DIPK1A: variants seen among roughly 807,000 people sequenced by gnomAD.
DIPK1A encodes the protein divergent protein kinase domain 1A, also known as family with sequence similarity 69 member A.
Under a neutral mutation model 40.8 loss-of-function variants are expected in DIPK1A, and 27 were observed. That is an observed-to-expected ratio of 0.66 (90% CI 0.49 to 0.91). DIPK1A has a LOEUF of 0.91. DIPK1A is among the 40% of genes least tolerant of loss of function. The pLI, the probability that DIPK1A is intolerant of heterozygous loss-of-function variation, is 0.00. For synonymous variants in DIPK1A, 166 were observed against 171.3 expected (o/e 0.97, Z 0.24); for missense variants, 412 against 505.7 (o/e 0.81, Z 1.78).
rs1034653554 is a variant in DIPK1A, at chr1:92,917,576, TC to T, written c.55-41147del. Among the ~76,000 whole-genome samples, 3 of 152,170 alleles carry T rather than the reference TC, an allele frequency of 2.0e-5. No individual in the cohort carries two copies. The East Asian group carries it at 5.8e-4, about 29-fold the overall frequency. ...ACTATATAAATAGAAAGTGAAAGGT[TC>T]CCCCATTCTTCTTTTGGAGGATTAA... On this transcript the variant is annotated intron_variant, in intron 1 of 4. Transcript: ENST00000370310.
intron 1 of DIPK1A, among the ~76,000 whole-genome samples, chr1:92,922,916 T>G (rs1298931515): frequency 6.6e-6 from 1 of 152,008 alleles, no homozygotes; most frequent in Non-Finnish European, 1.5e-5. Flanking sequence ...TCCCTCACAG[T>G]TTTCATCTCC....
intron 2 of DIPK1A, among the ~76,000 whole-genome samples, chr1:92,856,916 G>T (rs940385723): frequency 6.6e-6 from 1 of 152,124 alleles, no homozygotes; most frequent in African/African-American, 2.4e-5. Flanking sequence ...CCCCTCAACA[G>T]GAGAATGGTT....
At chr1:92,941,987 C>A (rs1651169972) in intron 1 of DIPK1A, among the ~76,000 whole-genome samples, 2 of 146,408 alleles carry the variant, frequency 1.4e-5, no homozygotes, top group African/African-American at 2.6e-5. Context: ...GAGACTCTGT[C>A]TCAAAAAAAA....
In DIPK1A at chr1:92,847,188, A is replaced by G; in HGVS notation, c.469T>C (p.Phe157Leu). 1 of 1,541,978 alleles carries G rather than the reference A, an allele frequency of 6.5e-7. No homozygotes were observed. Among genetic ancestry groups the G allele is most frequent in the African/African-American group, 1.4e-5 (1 of 72,596 alleles). ...QKFKEMVYSL[F>L]KAKLGDQGNL... ...ATATGAATGGGTATGCTTACCTTAA[A>G]GAGACTATAGACCATTTCTTTAAAT... Residue 157 changes from phenylalanine (F) to leucine (L), a missense_variant, in exon 4 of 5, where the codon TTT (phenylalanine) becomes CTT (leucine). Coordinates refer to ENST00000370310, the MANE Select transcript of DIPK1A (RefSeq NM_001006605.5).
intron 1 of DIPK1A, among the ~76,000 whole-genome samples, chr1:92,915,958 G>A (rs912851360): frequency 3.3e-5 from 5 of 152,144 alleles, no homozygotes; most frequent in Non-Finnish European, 7.4e-5. Context: ...ATTGATACAT[G>A]CTACAACATG....
chr1:92,905,100 G>A (rs1267531039), intron 1 of DIPK1A, among the ~76,000 whole-genome samples: 1 of 152,130 alleles, frequency 6.6e-6, no homozygotes, highest in Non-Finnish European at 1.5e-5. Context: ...ATTGTGAATA[G>A]TGCTACAATC....
downstream of DIPK1A, chr1:92,837,822 T>C (rs1418542695): frequency 3.3e-6 from 2 of 605,952 alleles, no homozygotes; most frequent in Non-Finnish European, 5.9e-6. Flanking sequence ...AAGATTTGGC[T>C]ACCTTTTATG....
At chr1:92,893,672 T>G (rs1031291381) in intron 1 of DIPK1A, among the ~76,000 whole-genome samples, 12 of 151,108 alleles carry the variant, frequency 7.9e-5, no homozygotes, top group African/African-American at 2.2e-4. Context: ...TAAATGTAAA[T>G]GGGCTAAATG....
At chr1:92,904,998 T>C (rs1226737797) in intron 1 of DIPK1A, among the ~76,000 whole-genome samples, 1 of 152,166 alleles carries the variant, frequency 6.6e-6, no homozygotes, top group Non-Finnish European at 1.5e-5. Flanking sequence ...TTTTTTCCTA[T>C]GGCTGAATAG....
chr1:92,909,626 A>G (rs1007450809), intron 1 of DIPK1A, among the ~76,000 whole-genome samples: 2 of 152,204 alleles, frequency 1.3e-5, no homozygotes, highest in African/African-American at 4.8e-5. Flanking sequence ...TTGGGGAAAC[A>G]GTAGGACTGG....
intron 4 of DIPK1A, chr1:92,845,353 A>G (rs1163461949): frequency 1.0e-5 from 1 of 96,890 alleles, no homozygotes; most frequent in South Asian, 2.7e-4. Flanking sequence ...CGTTAGTTTT[A>G]GTGACATGTA....
At chr1:92,913,441 G>A (rs1205627026) in intron 1 of DIPK1A, among the ~76,000 whole-genome samples, 1 of 151,858 alleles carries the variant, frequency 6.6e-6, no homozygotes, top group African/African-American at 2.4e-5. Flanking sequence ...TTTCTGCTTC[G>A]AGAAGACAGA....
intron 1 of DIPK1A, among the ~76,000 whole-genome samples, chr1:92,889,141 C>G (rs934243141): frequency 1.3e-5 from 2 of 152,236 alleles, no homozygotes; most frequent in Non-Finnish European, 2.9e-5. Context: ...TAATTTCATG[C>G]CTTCTATTCA....
Position 92,842,500 on chromosome 1 carries a change from ATACATT to A in DIPK1A, c.*877_*882del, listed in dbSNP as rs761457699. On this transcript the variant is annotated 3_prime_UTR_variant, in exon 5 of 5. Coordinates refer to ENST00000370310, the MANE Select transcript of DIPK1A (RefSeq NM_001006605.5). ...GGGGAAAAAAACATTAGATAAATAA[ATACATT>A]TACATGCCTCTTTAAGAAATAGCCC... 5.6e-5 allele frequency: 55 copies of A among 979,546 alleles called. No individual in the cohort carries two copies. Among genetic ancestry groups the A allele is most frequent in the Non-Finnish European group, 6.4e-5 (53 of 824,686 alleles). The allele number at this position is 979,546 out of a possible 1,614,324, so 60.7% of individuals were successfully genotyped here.
At chr1:92,889,487 T>C (rs1269270054) in intron 1 of DIPK1A, among the ~76,000 whole-genome samples, 1 of 152,232 alleles carries the variant, frequency 6.6e-6, no homozygotes, top group South Asian at 2.1e-4. Flanking sequence ...GGGTCTCTTA[T>C]AGTTCTATAT....
chr1:92,833,963 C>G (rs1687017103), intron 4 of DIPK1A: 2 of 368,296 alleles, frequency 5.4e-6, no homozygotes, highest in Admixed American at 4.3e-5. Flanking sequence ...AGAAAATTAG[C>G]TGGGCATGGC....
intron 2 of DIPK1A, among the ~76,000 whole-genome samples, chr1:92,860,377 T>C (rs1647204653): frequency 6.6e-6 from 1 of 152,062 alleles, no homozygotes; most frequent in Non-Finnish European, 1.5e-5. Context: ...CTGAGAATTA[T>C]TGGTTCAGAA....
chr1:92,961,244 G>A (rs1295344273), intron 1 of DIPK1A, 132 bp downstream of exon 1: 1 of 441,636 alleles, frequency 2.3e-6, no homozygotes, highest in East Asian at 4.9e-5. Flanking sequence ...GGTGCCGGAC[G>A]GCAGGGGGCA....
intron 1 of DIPK1A, among the ~76,000 whole-genome samples, chr1:92,883,125 A>G (rs1299979010): frequency 1.3e-5 from 2 of 152,212 alleles, no homozygotes; most frequent in Non-Finnish European, 2.9e-5. Context: ...TTTAGAGAAC[A>G]CAGGCCAGGC....
Sources: allele counts gnomAD v4.1 joint callset (sites outside exome capture counted in the v4.1 genomes callset), GRCh38; gene constraint gnomAD v4.1.1; transcripts MANE v1.5; gene names NCBI Gene and HGNC (gene_info 2026-07-23, HGNC 2026-07-21).